The following NALF1 variants were observed in gnomAD, a reference collection of about 807,000 sequenced individuals.
NALF1 encodes the protein family with sequence similarity 155 member A.
In NALF1, 3 loss-of-function variants were observed where a neutral mutation model predicts 48.4. That is an observed-to-expected ratio of 0.06 (90% CI 0.03 to 0.16). NALF1 has a LOEUF of 0.16. NALF1 is among the 10% of genes least tolerant of loss of function. NALF1 has a pLI of 1.00. For missense variants in NALF1, 526 were observed against 571.5 expected (o/e 0.92, Z 0.81); for synonymous variants, 262 against 245.7 (o/e 1.07, Z -0.62).
At chr13:107,613,667 T>A (rs1187745655) in intron 1 of NALF1, among the ~76,000 whole-genome samples, 2 of 152,228 alleles carry the variant, frequency 1.3e-5, no homozygotes, top group Admixed American at 1.3e-4. Flanking sequence ...TGCCTGTAAT[T>A]ATTTGCAAGG....
At chr13:107,737,653 G>C (rs570675490) in intron 1 of NALF1, among the ~76,000 whole-genome samples, 2 of 152,178 alleles carry the variant, frequency 1.3e-5, no homozygotes, top group Non-Finnish European at 2.9e-5. Flanking sequence ...GCATACTTTT[G>C]CATAACTAAC....
chr13:107,793,024 G>T (rs1027711811), intron 1 of NALF1, among the ~76,000 whole-genome samples: 8 of 152,110 alleles, frequency 5.3e-5, no homozygotes, highest in Non-Finnish European at 1.0e-4. Flanking sequence ...AATATTTATG[G>T]ACATCAGTGA....
chr13:107,301,633 T>C (rs1030196169), intron 1 of NALF1, among the ~76,000 whole-genome samples: 2 of 152,230 alleles, frequency 1.3e-5, no homozygotes, highest in Non-Finnish European at 2.9e-5. Flanking sequence ...ATTACATACG[T>C]CTACATAATT....
chr13:107,791,779 G>GCC (rs11288200), intron 1 of NALF1, among the ~76,000 whole-genome samples: 3 of 149,866 alleles, frequency 2.0e-5, no homozygotes, highest in African/African-American at 7.4e-5. Context: ...GGTGATCCCC[G>GCC]CCCCCCCCCG....
chr13:107,378,768 A>G (rs978721539), intron 1 of NALF1, among the ~76,000 whole-genome samples: 30 of 152,230 alleles, frequency 2.0e-4, no homozygotes, highest in African/African-American at 7.0e-4. Context: ...AATTGAAAAT[A>G]TACAGTTAGC....
intron 2 of NALF1, among the ~76,000 whole-genome samples, chr13:107,195,232 T>A (rs1335206655): frequency 2.0e-5 from 3 of 152,132 alleles, no homozygotes; most frequent in Non-Finnish European, 4.4e-5. Flanking sequence ...AGTTAAGAAC[T>A]TATCCATGTA....
intron 1 of NALF1, among the ~76,000 whole-genome samples, chr13:107,619,286 A>G: frequency 6.8e-6 from 1 of 146,174 alleles, no homozygotes; most frequent in East Asian, 3.3e-4. Flanking sequence ...GCACCCTGTT[A>G]GAGTGAAAGC....
At chr13:107,182,124 G>A (rs1194625276) in intron 2 of NALF1, among the ~76,000 whole-genome samples, 2 of 151,854 alleles carry the variant, frequency 1.3e-5, no homozygotes, top group Admixed American at 6.6e-5. Context: ...CCCTACTTTC[G>A]TCATCGCCTA....
intron 1 of NALF1, among the ~76,000 whole-genome samples, chr13:107,693,278 A>C (rs955508180): frequency 7.1e-6 from 1 of 141,310 alleles, no homozygotes; most frequent in Non-Finnish European, 1.5e-5. Context: ...AACAATGAGA[A>C]CACATGGACA....
chr13:107,617,784 T>C (rs190451540), intron 1 of NALF1, among the ~76,000 whole-genome samples: 1 of 152,308 alleles, frequency 6.6e-6, no homozygotes, highest in Non-Finnish European at 1.5e-5. Flanking sequence ...TCCTCCATGT[T>C]TCTTTTCAGC....
intron 1 of NALF1, among the ~76,000 whole-genome samples, chr13:107,537,705 C>G (rs1042539218): frequency 6.6e-6 from 1 of 152,082 alleles, no homozygotes; most frequent in African/African-American, 2.4e-5. Context: ...GCACAGCACA[C>G]AGTAAGTGGG....
intron 1 of NALF1, among the ~76,000 whole-genome samples, chr13:107,592,339 A>G (rs1178307812): frequency 6.6e-6 from 1 of 152,080 alleles, no homozygotes; most frequent in Non-Finnish European, 1.5e-5. Flanking sequence ...CTGATCAATT[A>G]AACATTGCAT....
chr13:107,442,582 T>C (rs1220921891), intron 1 of NALF1, among the ~76,000 whole-genome samples: 12 of 152,222 alleles, frequency 7.9e-5, no homozygotes, highest in South Asian at 6.2e-4. Context: ...ATACCTGTCA[T>C]TGGATGTGAT....
At chr13:107,631,170 T>TC (rs1219643491) in intron 1 of NALF1, among the ~76,000 whole-genome samples, 1 of 152,098 alleles carries the variant, frequency 6.6e-6, no homozygotes, top group Non-Finnish European at 1.5e-5. Context: ...CTAATGTTTT[T>TC]CATTTTTAAT....
At chr13:107,438,856 A>AAT (rs1265208088) in intron 1 of NALF1, among the ~76,000 whole-genome samples, 6 of 130,420 alleles carry the variant, frequency 4.6e-5, no homozygotes, top group African/African-American at 8.0e-5. Flanking sequence ...AAAAAAGAAT[A>AAT]ATATAAAGGG....
At chr13:107,779,998 CTT>C (rs1176848315) in intron 1 of NALF1, among the ~76,000 whole-genome samples, 1 of 147,692 alleles carries the variant, frequency 6.8e-6, no homozygotes, top group African/African-American at 2.5e-5. Context: ...CAAATGTACT[CTT>C]ATTACTTTGT....
chr13:107,173,782 T>C (rs1878854507), intron 2 of NALF1, among the ~76,000 whole-genome samples: 1 of 152,224 alleles, frequency 6.6e-6, no homozygotes, highest in African/African-American at 2.4e-5. Flanking sequence ...TAATTGATTG[T>C]TTGGCTGGGT....
chr13:107,708,042 C>G (rs1594218438), intron 1 of NALF1, among the ~76,000 whole-genome samples: 1 of 151,502 alleles, frequency 6.6e-6, no homozygotes, highest in East Asian at 1.9e-4. Flanking sequence ...TTCTGGATAG[C>G]ACCAAAGAAA....
chr13:107,455,126 A>G (rs1884802973), intron 1 of NALF1, among the ~76,000 whole-genome samples: 1 of 152,060 alleles, frequency 6.6e-6, no homozygotes, highest in Non-Finnish European at 1.5e-5. Flanking sequence ...CTTTACTCGC[A>G]TATCTCTCTC....
Sources: gnomAD v4.1 joint callset for allele counts (sites outside exome capture counted in the v4.1 genomes callset) on GRCh38, gnomAD v4.1.1 for gene constraint, MANE v1.5 for transcripts, NCBI Gene and HGNC (gene_info 2026-07-23, HGNC 2026-07-21) for gene names.